The following AUTS2 variants were observed in gnomAD, a reference collection of about 807,000 sequenced individuals.
AUTS2 encodes the protein activator of transcription and developmental regulator AUTS2.
In AUTS2, 17 loss-of-function variants were observed where a neutral mutation model predicts 112.4. That is an observed-to-expected ratio of 0.15 (90% CI 0.10 to 0.23). The LOEUF is 0.23. Ranked by LOEUF, AUTS2 falls within the 10% of genes least tolerant of loss-of-function variation. The pLI is 1.00. For synonymous variants in AUTS2, 751 were observed against 702.7 expected, an observed-to-expected ratio of 1.07 and a Z score of -1.09; for missense variants, 1,510 against 1,701.6, an observed-to-expected ratio of 0.89 and a Z score of 1.98.
chr7:70,243,898 T>C (rs568746528), intron 4 of AUTS2, among the ~76,000 whole-genome samples: 35 of 151,944 alleles, frequency 2.3e-4, no homozygotes, highest in Non-Finnish European at 4.9e-4. Context: ...TTGACAGTAA[T>C]AGTAAGAGTA....
At chr7:69,814,529 AGGCCACCCGGGCGAG>A (rs1206854932) in intron 1 of AUTS2, among the ~76,000 whole-genome samples, 2 of 152,364 alleles carry the variant, frequency 1.3e-5, no homozygotes, top group Non-Finnish European at 2.9e-5. Context: ...GCTCCCAGCC[AGGCCACCCGGGCGAG>A]GGCCTCTGAA....
At chr7:69,884,570 A>C (rs1794194387) in intron 1 of AUTS2, among the ~76,000 whole-genome samples, 1 of 152,216 alleles carries the variant, frequency 6.6e-6, no homozygotes, top group African/African-American at 2.4e-5. Context: ...ATTAACCCAG[A>C]GCTTCTAAAA....
intron 4 of AUTS2, among the ~76,000 whole-genome samples, chr7:70,389,741 C>T (rs1042578793): frequency 1.3e-5 from 2 of 152,080 alleles, no homozygotes; most frequent in African/African-American, 4.8e-5. Flanking sequence ...ATACCCTCCT[C>T]TCCTCTCATA....
At chr7:70,355,124 G>GTA (rs201170512) in intron 4 of AUTS2, among the ~76,000 whole-genome samples, 5 of 150,790 alleles carry the variant, frequency 3.3e-5, no homozygotes, top group East Asian at 1.9e-4. Context: ...GTGTGTGTGT[G>GTA]TATATATACG....
chr7:70,021,291 T>A (rs1020254068), intron 2 of AUTS2, among the ~76,000 whole-genome samples: 4 of 152,236 alleles, frequency 2.6e-5, no homozygotes, highest in Non-Finnish European at 5.9e-5. Context: ...CAGAACCTTT[T>A]CTTGACTCCA....
chr7:70,031,480 C>G (rs1800777116), intron 2 of AUTS2, among the ~76,000 whole-genome samples: 1 of 152,124 alleles, frequency 6.6e-6, no homozygotes, highest in Non-Finnish European at 1.5e-5. Context: ...CTGCCTGTTA[C>G]ACAGTAAATT....
chr7:70,077,023 G>A (rs1467381856), intron 2 of AUTS2, among the ~76,000 whole-genome samples: 7 of 152,188 alleles, frequency 4.6e-5, no homozygotes, highest in African/African-American at 1.7e-4. Context: ...GGGCTGTCAT[G>A]TAGAAGAGGA....
At chr7:70,509,505 A>G (rs545830940) in intron 5 of AUTS2, among the ~76,000 whole-genome samples, 3 of 152,342 alleles carry the variant, frequency 2.0e-5, no homozygotes, top group Admixed American at 6.5e-5. Flanking sequence ...TTTAATCCTT[A>G]TAACAGTTCT....
Position 69,737,847 on chromosome 7 carries a change from C to T in AUTS2, c.309+137885C>T, listed in dbSNP as rs184562186. On this transcript the variant is annotated intron_variant, in intron 1 of 18. Coordinates refer to ENST00000342771, the MANE Select transcript of AUTS2 (RefSeq NM_015570.4). ...AGGTATTGTCAATAGCTAAACTGCT[C>T]ATTGACAGTGCATTGCTAATTGCAT... is the stretch of plus-strand genomic sequence containing the variant. 5.3e-5 allele frequency among the ~76,000 whole-genome samples: 8 copies of T among 152,250 alleles called. No individual in the cohort carries two copies. The East Asian group carries it at 1.5e-3, about 29-fold the overall frequency.
intron 5 of AUTS2, among the ~76,000 whole-genome samples, chr7:70,679,841 C>T (rs1227797608): frequency 2.0e-5 from 3 of 152,282 alleles, no homozygotes; most frequent in East Asian, 1.9e-4. Context: ...TTTGTTCTTT[C>T]GTTCTGAAGT....
In AUTS2 at chr7:70,608,659, C is replaced by T. The variant is rs541035832; in HGVS notation, c.691-89910C>T. Among the ~76,000 whole-genome samples the T allele has an allele frequency of 1.2e-4, 18 of 152,354 alleles. No individual in the cohort carries two copies. In the South Asian group the frequency reaches 3.5e-3, roughly 30 times the overall value. Reference sequence around the variant, plus strand: ...AAGTGCTTAGAGCTTCCGTGTCCCACATTCTGTGTGGGATTGGGAACCTCT... The same window carrying T: ...AAGTGCTTAGAGCTTCCGTGTCCCATATTCTGTGTGGGATTGGGAACCTCT... On this transcript the variant is annotated intron_variant, in intron 5 of 18. Transcript: ENST00000342771.
At chr7:70,446,547 T>C (rs1244098439) in intron 5 of AUTS2, among the ~76,000 whole-genome samples, 1 of 152,170 alleles carries the variant, frequency 6.6e-6, no homozygotes, top group Non-Finnish European at 1.5e-5. Flanking sequence ...CATGGGTTAG[T>C]TGAAGTGATA....
intron 2 of AUTS2, among the ~76,000 whole-genome samples, chr7:69,976,333 C>T (rs1286899642): frequency 6.6e-6 from 1 of 152,200 alleles, no homozygotes; most frequent in Non-Finnish European, 1.5e-5. Flanking sequence ...GACAAGATTC[C>T]TTCCTTTCTA....
chr7:70,083,841 GGAGGCT>G (rs1803446037), intron 2 of AUTS2, among the ~76,000 whole-genome samples: 1 of 152,112 alleles, frequency 6.6e-6, no homozygotes, highest in Admixed American at 6.5e-5. Flanking sequence ...CAGCTACTCA[GGAGGCT>G]GAGGTGGGAG....
At chr7:70,428,664 C>T (rs1327601230) in intron 4 of AUTS2, among the ~76,000 whole-genome samples, 1 of 152,148 alleles carries the variant, frequency 6.6e-6, no homozygotes, top group East Asian at 1.9e-4. Context: ...GGTATTCAGC[C>T]CTGACATCTT....
At chr7:69,894,116 GTACACT>G (rs1393571494) in intron 1 of AUTS2, among the ~76,000 whole-genome samples, 1 of 152,052 alleles carries the variant, frequency 6.6e-6, no homozygotes, top group Non-Finnish European at 1.5e-5. Context: ...TGCATGGCTT[GTACACT>G]TACCCCCTCT....
In AUTS2 at chr7:70,229,535, G is replaced by A. The variant is rs143831579; in HGVS notation, c.660+94964G>A. Among the ~76,000 whole-genome samples, 14 of 152,226 alleles carry A rather than the reference G, an allele frequency of 9.2e-5. 1 individual carries two copies. The East Asian group carries it at 2.7e-3, about 29-fold the overall frequency. On this transcript the variant is annotated intron_variant, in intron 4 of 18. Transcript: ENST00000342771. ...GCCTTTCAACAGTTATATATGAAAT[G>A]TGTAGATGTGGATCTCTTTGTGTTT...
chr7:70,382,279 T>A (rs1793402409), intron 4 of AUTS2, among the ~76,000 whole-genome samples: 1 of 152,148 alleles, frequency 6.6e-6, no homozygotes, highest in Non-Finnish European at 1.5e-5. Context: ...GTTCAGAATC[T>A]CCATGTTTCC....
intron 4 of AUTS2, among the ~76,000 whole-genome samples, chr7:70,353,197 A>G (rs1057391125): frequency 1.3e-5 from 2 of 152,164 alleles, no homozygotes; most frequent in Non-Finnish European, 2.9e-5. Flanking sequence ...TAAATTGTCC[A>G]TTTATATCCC....
Sources: allele counts gnomAD v4.1 joint callset (sites outside exome capture counted in the v4.1 genomes callset), GRCh38; gene constraint gnomAD v4.1.1; transcripts MANE v1.5; gene names NCBI Gene and HGNC (gene_info 2026-07-23, HGNC 2026-07-21).